The following GAB3 variants were observed in gnomAD, a reference collection of about 807,000 sequenced individuals.
The protein encoded by GAB3 is GRB2 associated binding protein 3, also known as GRB2-associated-binding protein 3.
A neutral mutation model predicts 40.4 loss-of-function variants in GAB3; 12 were observed. The observed-to-expected ratio is 0.30, with a 90% CI of 0.19 to 0.48. The LOEUF is 0.48. Among genes scored for constraint, GAB3 ranks in the 20% least tolerant of loss-of-function variants. GAB3 has a pLI of 0.99. For synonymous variants in GAB3, 154 were observed against 176.7 expected (o/e 0.87, Z 1.02); for missense variants, 381 against 461.9 (o/e 0.82, Z 1.61).
In GAB3 at chrX:154,683,060, A is replaced by T. The variant is rs190005002; in HGVS notation, c.1531-2812T>A. ...TTTCCTCCAATCTGTTTTGATTTCA[A>T]TCTTTCATGCTAGAGTTCTCCTGAA... On this transcript the variant is annotated intron_variant, in intron 8 of 9. Transcript: ENST00000424127. Among the ~76,000 whole-genome samples, 344 of 112,556 alleles carry T rather than the reference A, an allele frequency of 3.1e-3. 1 individual carries two copies. The highest frequency in any genetic ancestry group is 0.011 in the African/African-American group (341 of 31,017).
chrX:154,677,989 C>A lies in GAB3; in HGVS notation c.*189G>T. On this transcript the variant is annotated 3_prime_UTR_variant, in exon 10 of 10. Transcript: ENST00000424127. ...AGGCAACTGCTTCCTTCTTTTCTTC[C>A]TTCAATGTATAAACAGGTCTTCTTT... 1 of 336,054 alleles carries A rather than the reference C, an allele frequency of 3.0e-6. No individual in the cohort carries two copies. The highest frequency in any genetic ancestry group is 4.4e-5 in the East Asian group (1 of 22,570). 27.7% of individuals were successfully genotyped at this position (336,054 alleles called of 1,213,427 possible).
chrX:154,750,724 C>T (rs2148501930), intron 1 of GAB3, among the ~76,000 whole-genome samples: 1 of 112,680 alleles, frequency 8.9e-6, no homozygotes, highest in Non-Finnish European at 1.9e-5. Context: ...GGTCTGGAGT[C>T]CCTGAGCCCC....
At chrX:154,702,127 G>A (rs1557252396) in intron 4 of GAB3, among the ~76,000 whole-genome samples, 3 of 112,251 alleles carry the variant, frequency 2.7e-5, no homozygotes, top group African/African-American at 9.7e-5. Flanking sequence ...CAGAGCTATG[G>A]TAACCAAACA....
In GAB3 at chrX:154,690,292, T is replaced by C. The variant is rs1366186985; in HGVS notation, c.1530+5625A>G. On this transcript the variant is annotated intron_variant, in intron 8 of 9. Transcript: ENST00000424127. ...CAAGATGGATTAAAGACTTAAGCGT[T>C]AGACCTAAAACCATAAAAGCCCTAG... 1.7e-4 allele frequency among the ~76,000 whole-genome samples: 19 copies of C among 112,226 alleles called. 1 individual carries two copies. Among genetic ancestry groups the C allele is most frequent in the Admixed American group, 9.4e-4 (10 of 10,606 alleles).
chrX:154,748,160 T>C (rs2071556065), intron 1 of GAB3, among the ~76,000 whole-genome samples: 1 of 112,507 alleles, frequency 8.9e-6, no homozygotes, highest in African/African-American at 3.2e-5. Flanking sequence ...TTATATTATA[T>C]GTATTACAAG....
chrX:154,685,807 G>T (rs782220971), intron 8 of GAB3, among the ~76,000 whole-genome samples: 2 of 111,927 alleles, frequency 1.8e-5, no homozygotes, highest in East Asian at 2.8e-4. Flanking sequence ...CTGCCGAATT[G>T]TCAGTAAATG....
Position 154,712,714 on chromosome X carries a change from A to T in GAB3, c.597-13T>A, listed in dbSNP as rs1182973169. 5.6e-6 allele frequency: 6 copies of T among 1,066,171 alleles called. No individual in the cohort carries two copies. The highest frequency in any genetic ancestry group is 6.2e-6 in the Non-Finnish European group (5 of 804,559). The allele number at this position is 1,066,171 out of a possible 1,213,427, so 87.9% of individuals were successfully genotyped here. A position where few individuals can be genotyped will look rare whatever the true frequency, so the allele number is the denominator to read the frequency against. On this transcript the variant is annotated splice_polypyrimidine_tract_variant and intron_variant, in intron 3 of 9. Coordinates refer to ENST00000424127, the MANE Select transcript of GAB3 (RefSeq NM_001081573.3). ...TCTGGTGGGTAGACTGGGGAAGAAA[A>T]GCATGTAAGTTGGACTAAAATGCAG...
At chrX:154,679,242 C>T (rs1557246250) in intron 9 of GAB3, 1 of 342,033 alleles carries the variant, frequency 2.9e-6, no homozygotes. Context: ...TGCAATCTCT[C>T]TTTTTCCTCT....
At chrX:154,739,466 C>A (rs782151137) in intron 1 of GAB3, among the ~76,000 whole-genome samples, 1 of 111,672 alleles carries the variant, frequency 9.0e-6, no homozygotes, top group South Asian at 3.7e-4. Flanking sequence ...TAAGTGAAAT[C>A]AATAAAAGAA....
chrX:154,734,478 G>T (rs1557260318), intron 1 of GAB3, among the ~76,000 whole-genome samples: 2 of 112,663 alleles, frequency 1.8e-5, no homozygotes, highest in African/African-American at 6.5e-5. Flanking sequence ...TGTAACAGAG[G>T]GAAGTCCAGG....
chrX:154,709,411 C>T (rs1027062250), intron 4 of GAB3, among the ~76,000 whole-genome samples: 1 of 108,323 alleles, frequency 9.2e-6, no homozygotes, highest in Non-Finnish European at 1.9e-5. Context: ...AACTCTGCCT[C>T]CCAGGTTCAA....
At chrX:154,725,979 C>G (rs915410255) in intron 1 of GAB3, among the ~76,000 whole-genome samples, 3 of 111,368 alleles carry the variant, frequency 2.7e-5, no homozygotes, top group Middle Eastern at 4.6e-3. Context: ...CTGGCCAAAA[C>G]AAAAATTCAA....
intron 1 of GAB3, among the ~76,000 whole-genome samples, chrX:154,726,857 C>T (rs1374619305): frequency 9.0e-6 from 1 of 111,113 alleles, no homozygotes. Context: ...ACTCTACTTT[C>T]AAAACATTCC....
At chrX:154,693,852 C>T (rs1471701469) in intron 8 of GAB3, among the ~76,000 whole-genome samples, 1 of 111,469 alleles carries the variant, frequency 9.0e-6, no homozygotes, top group Non-Finnish European at 1.9e-5. Flanking sequence ...AATCAAAGGG[C>T]TTGAAAAAGT....
intron 4 of GAB3, among the ~76,000 whole-genome samples, chrX:154,704,831 C>A (rs1490986654): frequency 9.0e-6 from 1 of 111,291 alleles, no homozygotes; most frequent in Non-Finnish European, 1.9e-5. Flanking sequence ...AATTTGAAAA[C>A]CCAGAGGAAA....
At chrX:154,742,522 T>A (rs781831142) in intron 1 of GAB3, among the ~76,000 whole-genome samples, 4 of 110,511 alleles carry the variant, frequency 3.6e-5, no homozygotes, top group Non-Finnish European at 5.7e-5. Flanking sequence ...AATTCAAAAT[T>A]TGAAGTATAG....
At chrX:154,709,189 C>G (rs1177412861) in intron 4 of GAB3, among the ~76,000 whole-genome samples, 5 of 111,356 alleles carry the variant, frequency 4.5e-5, no homozygotes, top group African/African-American at 6.5e-5. Context: ...CTTCCTTCCT[C>G]TTTGTCTTCT....
chrX:154,731,367 T>A (rs911499483), intron 1 of GAB3, among the ~76,000 whole-genome samples: 2 of 111,503 alleles, frequency 1.8e-5, no homozygotes, highest in Non-Finnish European at 1.9e-5. Context: ...GAAGGTGCAA[T>A]ATAGAGGAAG....
intron 8 of GAB3, among the ~76,000 whole-genome samples, chrX:154,688,372 C>A (rs937326628): frequency 9.2e-6 from 1 of 109,013 alleles, no homozygotes; most frequent in East Asian, 2.9e-4. Flanking sequence ...CTCTGCCTCC[C>A]GGGTTCAAGC....
Sources: gnomAD v4.1 joint callset for allele counts (sites outside exome capture counted in the v4.1 genomes callset) on GRCh38, gnomAD v4.1.1 for gene constraint, MANE v1.5 for transcripts, NCBI Gene and HGNC (gene_info 2026-07-23, HGNC 2026-07-21) for gene names.